Variants in HERC2 observed in about 807,000 individuals in gnomAD.
The protein encoded by HERC2 is HECT and RLD domain containing E3 ubiquitin protein ligase 2.
In HERC2, 102 loss-of-function variants were observed where a neutral mutation model predicts 537.7. That is an observed-to-expected ratio of 0.19 (90% CI 0.16 to 0.22). HERC2 has a LOEUF of 0.22. Ranked by LOEUF, HERC2 falls within the 10% of genes least tolerant of loss-of-function variation. HERC2 has a pLI of 1.00. For missense variants in HERC2, 4,236 were observed against 6,198.2 expected (o/e 0.68, Z 10.63); for synonymous variants, 2,224 against 2,466.2 (o/e 0.90, Z 2.91).
intron 30 of HERC2, among the ~76,000 whole-genome samples, chr15:28,231,120 C>T (rs1596290566): frequency 1.3e-5 from 2 of 152,252 alleles, no homozygotes; most frequent in East Asian, 3.9e-4. Context: ...TGTGGAATTT[C>T]CTCCCTATAC....
chr15:28,293,626 T>C (rs2076382842), intron 3 of HERC2, among the ~76,000 whole-genome samples: 1 of 152,210 alleles, frequency 6.6e-6, no homozygotes, highest in Non-Finnish European at 1.5e-5. Context: ...TACTTCAATT[T>C]CACACCAATT....
chr15:28,150,513 G>A (rs1892331691), intron 70 of HERC2, among the ~76,000 whole-genome samples: 1 of 132,556 alleles, frequency 7.5e-6, no homozygotes, highest in South Asian at 2.5e-4. Context: ...GAATATCACC[G>A]AGAACAGCCA....
chr15:28,185,373 G>A (rs990241655), intron 56 of HERC2, among the ~76,000 whole-genome samples: 1 of 152,104 alleles, frequency 6.6e-6, no homozygotes, highest in African/African-American at 2.4e-5. Context: ...CTGTCTGGAG[G>A]GCCCCGGTCA....
chr15:28,247,402 T>C (rs1007798816), intron 21 of HERC2, among the ~76,000 whole-genome samples: 2 of 150,648 alleles, frequency 1.3e-5, no homozygotes, highest in Non-Finnish European at 3.0e-5. Context: ...AAATCTTCAG[T>C]TTTTCTGTCT....
At chr15:28,118,097 T>C (rs1301598532) in intron 86 of HERC2, 2 of 170,562 alleles carry the variant, frequency 1.2e-5, no homozygotes, top group Non-Finnish European at 1.3e-5. Context: ...GGAGCCACAG[T>C]TGCCTGTAGA....
At chr15:28,112,091 A>C (rs1162869079) in intron 92 of HERC2, 56 bp from the exon 93 acceptor site, 12 of 1,542,480 alleles carry the variant, frequency 7.8e-6, no homozygotes, top group Middle Eastern at 1.7e-4. Flanking sequence ...AGTTTACTTT[A>C]CTGTGCTCAT....
rs182147961 is a variant in HERC2, at chr15:28,274,260, C to T, written c.800+31G>A. 682 of 1,610,532 alleles carry T rather than the reference C, an allele frequency of 4.2e-4. 2 individuals are homozygous for T. In the African/African-American group the frequency reaches 6.1e-3, roughly 14 times the overall value. The stretch of plus-strand genomic sequence containing the variant: ...CAGCCTCAAGCAGGCCAGCTGTCTG[C>T]GTGCAGAAGGCAAGAAAGGAAAGAA... On this transcript the variant is annotated intron_variant, in intron 7 of 92. Coordinates refer to ENST00000261609, the MANE Select transcript of HERC2 (RefSeq NM_004667.6).
At chr15:28,316,476 CA>C (rs1195467157) in intron 2 of HERC2, among the ~76,000 whole-genome samples, 1 of 151,284 alleles carries the variant, frequency 6.6e-6, no homozygotes, top group Non-Finnish European at 1.5e-5. Context: ...CCTGCCTCTA[CA>C]AAAAAAAATT....
intron 69 of HERC2, among the ~76,000 whole-genome samples, chr15:28,155,026 T>C (rs1892850139): frequency 6.6e-6 from 1 of 151,446 alleles, no homozygotes; most frequent in Admixed American, 6.6e-5. Context: ...TTTGGTTTTT[T>C]TGTCCTTGTG....
At position 28,178,272 on chromosome 15, in the gene HERC2, G is replaced by A. The variant is rs577415385; in HGVS notation, c.9163+615C>T. ...ACACTGTGTGGTGCTTGCCTCTTCT[G>A]CCAGGCCTGGCCCTGGACTCTGGGG... On this transcript the variant is annotated intron_variant, in intron 59 of 92. Coordinates refer to ENST00000261609, the MANE Select transcript of HERC2 (RefSeq NM_004667.6). Among the ~76,000 whole-genome samples, 42 of 152,344 alleles carry A rather than the reference G, an allele frequency of 2.8e-4. No individual in the cohort carries two copies. The South Asian group carries it at 8.7e-3, about 32-fold the overall frequency.
intron 34 of HERC2, among the ~76,000 whole-genome samples, chr15:28,228,717 C>T (rs547526376): frequency 9.9e-5 from 15 of 152,264 alleles, no homozygotes; most frequent in Admixed American, 4.6e-4. Flanking sequence ...GTGGGCAGCT[C>T]TGTCATGCTG....
intron 4 of HERC2, among the ~76,000 whole-genome samples, chr15:28,281,512 G>A (rs1221222710): frequency 6.6e-6 from 1 of 152,134 alleles, no homozygotes; most frequent in Non-Finnish European, 1.5e-5. Flanking sequence ...TTGTGCAGAA[G>A]ACATCAGTTT....
chr15:28,241,856 A>G (rs563664291), intron 23 of HERC2, among the ~76,000 whole-genome samples: 53 of 152,230 alleles, frequency 3.5e-4, no homozygotes, highest in African/African-American at 1.3e-3. Flanking sequence ...AAGGGACGCA[A>G]ATGGATATAC....
intron 86 of HERC2, among the ~76,000 whole-genome samples, chr15:28,119,138 A>G (rs1016369693): frequency 1.3e-5 from 2 of 152,112 alleles, no homozygotes; most frequent in Non-Finnish European, 2.9e-5. Context: ...GCGGTGGCTC[A>G]TGCCTACAGC....
intron 79 of HERC2, 69 bp downstream of exon 79, chr15:28,135,409 T>C (rs1890535907): frequency 3.3e-6 from 4 of 1,227,668 alleles, no homozygotes; most frequent in Non-Finnish European, 4.8e-6. Flanking sequence ...CGCCAATAGA[T>C]TGTAGCAGCA....
At chr15:28,138,957 G>T (rs1470501308) in intron 78 of HERC2, among the ~76,000 whole-genome samples, 1 of 152,188 alleles carries the variant, frequency 6.6e-6, no homozygotes, top group East Asian at 1.9e-4. Context: ...CCTCACAGAT[G>T]ACCTTGAGGG....
At chr15:28,279,779 C>A (rs1303143251) in intron 5 of HERC2, among the ~76,000 whole-genome samples, 2 of 152,038 alleles carry the variant, frequency 1.3e-5, no homozygotes, top group Non-Finnish European at 2.9e-5. Context: ...CACCACTGCA[C>A]CCCAGCCTGG....
At chr15:28,214,532 C>A (rs1484936985) in intron 40 of HERC2, 123 bp downstream of exon 40, 1 of 1,324,780 alleles carries the variant, frequency 7.5e-7, no homozygotes, top group African/African-American at 1.5e-5. Context: ...CGGCCACCCA[C>A]CTCTGAGTGA....
intron 83 of HERC2, 148 bp downstream of exon 83, chr15:28,130,015 C>T (rs1043894779): frequency 5.8e-6 from 5 of 864,728 alleles, no homozygotes; most frequent in East Asian, 5.1e-5. Flanking sequence ...CCTCGTGATC[C>T]GCCTGCCTCA....
Sources: gnomAD v4.1 joint callset for allele counts (sites outside exome capture counted in the v4.1 genomes callset) on GRCh38, gnomAD v4.1.1 for gene constraint, MANE v1.5 for transcripts, NCBI Gene and HGNC (gene_info 2026-07-23, HGNC 2026-07-21) for gene names.